Variants in SLC27A6 observed in about 807,000 individuals in gnomAD.
SLC27A6 encodes the protein solute carrier family 27 member 6.
Under a neutral mutation model 63.9 loss-of-function variants are expected in SLC27A6, and 74 were observed. The observed-to-expected ratio is 1.16, with a 90% confidence interval of 0.96 to 1.40. The LOEUF is 1.40. Ranked by LOEUF, SLC27A6 falls within the 40% of genes most tolerant of loss-of-function variation. The pLI is 0.00. For synonymous variants in SLC27A6, 287 were observed against 260.8 expected (o/e 1.10, Z -0.97); for missense variants, 794 against 732.9 (o/e 1.08, Z -0.96).
At chr5:128,989,416 C>T (rs1405094330) in intron 3 of SLC27A6, among the ~76,000 whole-genome samples, 1 of 152,108 alleles carries the variant, frequency 6.6e-6, no homozygotes, top group Non-Finnish European at 1.5e-5. Context: ...CAGTGGAGAT[C>T]ATTTGCTACT....
At position 128,980,270 on chromosome 5, in the gene SLC27A6, A is replaced by G. The variant is rs1479312585; in HGVS notation, c.482-4863A>G. Among the ~76,000 whole-genome samples the G allele has an allele frequency of 2.6e-5, 4 of 152,344 alleles. No homozygotes were observed. The East Asian group carries it at 5.8e-4, about 22-fold the overall frequency. On this transcript the variant is annotated intron_variant, in intron 1 of 9. Coordinates refer to ENST00000262462, the MANE Select transcript of SLC27A6 (RefSeq NM_001017372.3). ...GACTGATTCTGGGTCAGGCACCACA[A>G]TGAATGGTTTATATAGACCATTTAA...
chr5:128,998,263 A>G (rs1751224990), intron 4 of SLC27A6, among the ~76,000 whole-genome samples: 1 of 152,108 alleles, frequency 6.6e-6, no homozygotes, highest in African/African-American at 2.4e-5. Context: ...CTGCCCTCCA[A>G]CAGCTTGGGT....
At chr5:129,014,439 T>G (rs1196769964) in intron 4 of SLC27A6, among the ~76,000 whole-genome samples, 3 of 152,162 alleles carry the variant, frequency 2.0e-5, no homozygotes, top group African/African-American at 7.2e-5. Flanking sequence ...AGACTTAAAG[T>G]TATGGTTAGG....
chr5:128,984,842 T>C (rs1477063599), intron 1 of SLC27A6, among the ~76,000 whole-genome samples: 1 of 152,210 alleles, frequency 6.6e-6, no homozygotes. Context: ...TTTAAATAGT[T>C]TTATTTAAAA....
At chr5:129,019,484 AT>A (rs1284623223) in intron 5 of SLC27A6, among the ~76,000 whole-genome samples, 2 of 152,046 alleles carry the variant, frequency 1.3e-5, no homozygotes, top group African/African-American at 4.8e-5. Flanking sequence ...GGAAAAAAAA[AT>A]GAATGCACAT....
At chr5:129,009,633 A>G (rs1394439038) in intron 4 of SLC27A6, among the ~76,000 whole-genome samples, 1 of 151,964 alleles carries the variant, frequency 6.6e-6, no homozygotes, top group Non-Finnish European at 1.5e-5. Context: ...TGTCTATCAC[A>G]AATCCATCTC....
At chr5:128,981,803 C>CTTTCT (rs145278558) in intron 1 of SLC27A6, among the ~76,000 whole-genome samples, 133 of 146,386 alleles carry the variant, frequency 9.1e-4, no homozygotes, top group African/African-American at 2.3e-3. Flanking sequence ...GAGTTTTTTT[C>CTTTCT]TTTCTTTTCT....
rs536761240 is a variant in SLC27A6 at position 129,005,802 on chromosome 5, C to T, written c.970-10083C>T. On this transcript the variant is annotated intron_variant, in intron 4 of 9. Transcript: ENST00000262462. ...TAATTTTTCCTATTTTTAGTGGAGA[C>T]GGGGTTTCACGGTGTTAGCCAGGAT... 6.6e-5 allele frequency among the ~76,000 whole-genome samples: 10 copies of T among 151,416 alleles called. 1 individual carries two copies. The East Asian group carries it at 9.9e-4, about 15-fold the overall frequency.
At chr5:128,993,650 ACAAATC>A (rs1751049530) in intron 4 of SLC27A6, among the ~76,000 whole-genome samples, 3 of 152,188 alleles carry the variant, frequency 2.0e-5, no homozygotes, top group African/African-American at 7.2e-5. Context: ...CATATTGATT[ACAAATC>A]TTTTCTCAGT....
chr5:128,990,964 G>A (rs1168173635), intron 4 of SLC27A6, among the ~76,000 whole-genome samples: 1 of 152,186 alleles, frequency 6.6e-6, no homozygotes, highest in South Asian at 2.1e-4. Context: ...AGTGGTGGAC[G>A]GTGAGCAAAA....
intron 1 of SLC27A6, among the ~76,000 whole-genome samples, chr5:128,969,181 T>G (rs1303375500): frequency 6.6e-6 from 1 of 152,190 alleles, no homozygotes; most frequent in African/African-American, 2.4e-5. Flanking sequence ...GTAGTATAGT[T>G]TGAAGTCAGG....
At chr5:129,021,565 G>C (rs1752076430) in intron 5 of SLC27A6, among the ~76,000 whole-genome samples, 1 of 152,190 alleles carries the variant, frequency 6.6e-6, no homozygotes, top group Admixed American at 6.5e-5. Context: ...CCCATGTTTT[G>C]AATGGGACCC....
intron 1 of SLC27A6, among the ~76,000 whole-genome samples, chr5:128,976,575 C>T (rs998519002): frequency 6.6e-6 from 1 of 152,134 alleles, no homozygotes; most frequent in Non-Finnish European, 1.5e-5. Flanking sequence ...TCCTCTGACT[C>T]TTTTTCTTAG....
intron 4 of SLC27A6, among the ~76,000 whole-genome samples, chr5:129,000,639 G>A (rs964001392): frequency 7.9e-5 from 12 of 152,172 alleles, no homozygotes; most frequent in Non-Finnish European, 1.5e-5. Flanking sequence ...AAATGACCTT[G>A]CTAATGGGAC....
Position 129,027,290 on chromosome 5 carries a change from CAATTTCCTTTATTTT to C in SLC27A6, c.1414_1428del (p.Asn472_Phe476del), listed in dbSNP as rs2150155668. The C allele has an allele frequency of 6.2e-7, 1 of 1,612,984 alleles. No individual in the cohort carries two copies. Among genetic ancestry groups the C allele is most frequent in the Non-Finnish European group, 8.5e-7 (1 of 1,179,222 alleles). On this transcript the variant is annotated inframe_deletion, in exon 7 of 10. Coordinates refer to ENST00000262462, the MANE Select transcript of SLC27A6 (RefSeq NM_001017372.3). ...GAGACTTAATAGTCCAGGATCAGGA[CAATTTCCTTTATTTT>C]TGGGACCGTACTGGAGACACTTTCA...
intron 9 of SLC27A6, 116 bp from the exon 10 acceptor site, chr5:129,032,990 C>A: frequency 1.9e-6 from 1 of 518,446 alleles, no homozygotes; most frequent in Non-Finnish European, 3.2e-6. Flanking sequence ...TTAGAAAATA[C>A]AGAGATCACT....
At chr5:128,968,290 C>T (rs1749990019) in intron 1 of SLC27A6, among the ~76,000 whole-genome samples, 1 of 152,118 alleles carries the variant, frequency 6.6e-6, no homozygotes, top group Non-Finnish European at 1.5e-5. Flanking sequence ...AATGGGATGG[C>T]TGGGTCAAAT....
intron 6 of SLC27A6, among the ~76,000 whole-genome samples, chr5:129,025,003 T>A (rs943707792): frequency 5.9e-5 from 9 of 152,168 alleles, no homozygotes; most frequent in African/African-American, 2.2e-4. Flanking sequence ...GAAAATAATT[T>A]CTGAGCAGAG....
intron 7 of SLC27A6, 112 bp from the exon 8 acceptor site, chr5:129,028,233 G>A (rs1752307252): frequency 1.6e-6 from 1 of 640,708 alleles, no homozygotes; most frequent in Non-Finnish European, 2.7e-6. Context: ...CTACAATTAT[G>A]TTGGTCAGTA....
Sources: allele counts gnomAD v4.1 joint callset (sites outside exome capture counted in the v4.1 genomes callset), GRCh38; gene constraint gnomAD v4.1.1; transcripts MANE v1.5; gene names NCBI Gene and HGNC (gene_info 2026-07-23, HGNC 2026-07-21).